The following SOX5 variants were observed in gnomAD, a reference collection of about 807,000 sequenced individuals.
SOX5 encodes SRY-box transcription factor 5.
SOX5 carries 9 observed loss-of-function variants against 92.0 expected under a neutral mutation model. That is an observed-to-expected ratio of 0.10 (90% CI 0.06 to 0.17). The LOEUF (loss-of-function observed/expected upper bound fraction) is 0.17. SOX5 is among the 10% of genes least tolerant of loss of function. The probability of loss-of-function intolerance (pLI) is 1.00; values close to 1 mark genes in which losing one functional copy is unlikely to be tolerated. For synonymous variants in SOX5, 344 were observed against 336.3 expected (o/e 1.02, Z -0.25); for missense variants, 642 against 944.5 (o/e 0.68, Z 4.20).
chr12:24,272,933 TA>T (rs1034643049), intron 3 of SOX5, among the ~76,000 whole-genome samples: 1 of 151,944 alleles, frequency 6.6e-6, no homozygotes, highest in African/African-American at 2.4e-5. Flanking sequence ...AAAAAAAAAT[TA>T]TGTAACATTA....
At chr12:24,120,552 T>G (rs560320178) in intron 4 of SOX5, among the ~76,000 whole-genome samples, 72 of 152,316 alleles carry the variant, frequency 4.7e-4, no homozygotes, top group African/African-American at 1.7e-3. Flanking sequence ...AAAATGATTT[T>G]ATTTGGAAAG....
chr12:24,087,556 C>A (rs1944153842), intron 4 of SOX5, among the ~76,000 whole-genome samples: 1 of 151,960 alleles, frequency 6.6e-6, no homozygotes, highest in South Asian at 2.1e-4. Context: ...TTATCTTTGA[C>A]AAAATGATTA....
rs1032695303 is a variant in SOX5, at chr12:23,533,397, T to C, written c.*822A>G. 4 of 277,428 alleles carry C rather than the reference T, an allele frequency of 1.4e-5. No homozygotes were observed. Among genetic ancestry groups the C allele is most frequent in the African/African-American group, 9.0e-5 (4 of 44,562 alleles). The allele number at this position is 277,428 out of a possible 1,614,324, so 17.2% of individuals were successfully genotyped here. Reference sequence around the variant, plus strand: ...TCTCACCAGCTGCTGGTATTTCAGGTTTTTCAAGGGATTGTCTAAGATTTA... The same window carrying C: ...TCTCACCAGCTGCTGGTATTTCAGGCTTTTCAAGGGATTGTCTAAGATTTA... On this transcript the variant is annotated 3_prime_UTR_variant, in exon 15 of 15. Transcript: ENST00000451604.
intron 1 of SOX5, among the ~76,000 whole-genome samples, chr12:24,506,367 G>A (rs1948740814): frequency 7.6e-6 from 1 of 132,146 alleles, no homozygotes; most frequent in Non-Finnish European, 1.6e-5. Flanking sequence ...TGAAACATTC[G>A]AAAATGAACA....
intron 3 of SOX5, among the ~76,000 whole-genome samples, chr12:23,812,775 C>T (rs1342420031): frequency 2.0e-5 from 3 of 152,048 alleles, no homozygotes; most frequent in African/African-American, 4.8e-5. Flanking sequence ...CCTAAAAAGA[C>T]GAATACTGAT....
At chr12:23,799,575 T>C (rs1328638851) in intron 3 of SOX5, among the ~76,000 whole-genome samples, 3 of 152,098 alleles carry the variant, frequency 2.0e-5, no homozygotes, top group Non-Finnish European at 4.4e-5. Context: ...GAAAACATTC[T>C]ACATAGGGAG....
intron 2 of SOX5, among the ~76,000 whole-genome samples, chr12:23,855,020 TA>T (rs1428318960): frequency 6.6e-6 from 1 of 151,584 alleles, no homozygotes; most frequent in Non-Finnish European, 1.5e-5. Context: ...TATTAGCCTA[TA>T]AAGATGAATA....
At chr12:23,918,374 T>C (rs955814854) in intron 1 of SOX5, among the ~76,000 whole-genome samples, 1 of 152,210 alleles carries the variant, frequency 6.6e-6, no homozygotes, top group Admixed American at 6.5e-5. Context: ...AAATGTCACA[T>C]ATCCTTCTAT....
At chr12:24,328,257 AAACCTT>A (rs1371994269) in intron 2 of SOX5, among the ~76,000 whole-genome samples, 1 of 152,194 alleles carries the variant, frequency 6.6e-6, no homozygotes, top group Non-Finnish European at 1.5e-5. Context: ...TCTATATTTG[AAACCTT>A]AACAATATGT....
At chr12:23,931,439 T>C (rs1191000661) in intron 1 of SOX5, among the ~76,000 whole-genome samples, 1 of 151,806 alleles carries the variant, frequency 6.6e-6, no homozygotes, top group Non-Finnish European at 1.5e-5. Flanking sequence ...GAGCCTGTGC[T>C]GTACATTACC....
chr12:24,341,690 C>G (rs7305219), intron 2 of SOX5, among the ~76,000 whole-genome samples: 40,877 of 152,122 alleles, frequency 0.27, 6,872 homozygotes, highest in Non-Finnish European at 0.38. Flanking sequence ...TCAGAATTCT[C>G]TAATGAGAGA....
chr12:24,298,691 T>C (rs1156557190), intron 2 of SOX5, among the ~76,000 whole-genome samples: 1 of 147,438 alleles, frequency 6.8e-6, no homozygotes, highest in Non-Finnish European at 1.5e-5. Flanking sequence ...AGAAAAATAC[T>C]ATGAGAGAAG....
At chr12:24,487,121 A>G (rs1416911327) in intron 1 of SOX5, among the ~76,000 whole-genome samples, 1 of 152,174 alleles carries the variant, frequency 6.6e-6, no homozygotes, top group Non-Finnish European at 1.5e-5. Flanking sequence ...TCTGTCTCTA[A>G]TGTTAAATAA....
At chr12:24,498,821 C>T (rs1005544375) in intron 1 of SOX5, among the ~76,000 whole-genome samples, 2 of 152,192 alleles carry the variant, frequency 1.3e-5, no homozygotes, top group African/African-American at 4.8e-5. Context: ...ACCCACCTCT[C>T]TCAGGGTATC....
At chr12:23,735,764 A>T (rs998642164) in intron 5 of SOX5, among the ~76,000 whole-genome samples, 1 of 152,234 alleles carries the variant, frequency 6.6e-6, no homozygotes, top group Non-Finnish European at 1.5e-5. Context: ...CTTAGGAAAC[A>T]GCACAATCAC....
intron 7 of SOX5, among the ~76,000 whole-genome samples, chr12:23,662,773 T>C (rs2083237800): frequency 1.3e-5 from 2 of 152,218 alleles, no homozygotes. Context: ...ATGTATTTTA[T>C]GAAGACATCT....
intron 6 of SOX5, among the ~76,000 whole-genome samples, chr12:23,678,431 T>C (rs1249210208): frequency 1.3e-5 from 2 of 152,180 alleles, no homozygotes; most frequent in East Asian, 3.9e-4. Flanking sequence ...ACTAAATCTA[T>C]AGACTGCTTT....
chr12:23,962,989 G>A (rs138078619), intron 4 of SOX5, among the ~76,000 whole-genome samples: 28 of 152,188 alleles, frequency 1.8e-4, no homozygotes, highest in African/African-American at 6.0e-4. Context: ...TAAATTAAAT[G>A]AATAGAATCT....
chr12:23,657,032 T>A (rs1452789406), intron 7 of SOX5, among the ~76,000 whole-genome samples: 1 of 152,094 alleles, frequency 6.6e-6, no homozygotes, highest in African/African-American at 2.4e-5. Flanking sequence ...TTGAGTATAC[T>A]CTTTGAAAAT....
Sources: allele counts gnomAD v4.1 joint callset (sites outside exome capture counted in the v4.1 genomes callset), GRCh38; gene constraint gnomAD v4.1.1; transcripts MANE v1.5; gene names NCBI Gene and HGNC (gene_info 2026-07-23, HGNC 2026-07-21).